The following RAPGEF4 variants were observed in gnomAD, a reference collection of about 807,000 sequenced individuals.
RAPGEF4 encodes the protein RAP guanine-nucleotide-exchange factor (GEF) 4.
RAPGEF4 carries 66 observed loss-of-function variants against 147.9 expected under a neutral mutation model. The ratio of observed to expected loss-of-function variants is 0.45; its 90% CI spans 0.37 to 0.55. RAPGEF4 has a LOEUF of 0.55. Ranked by LOEUF, RAPGEF4 falls within the 20% of genes least tolerant of loss-of-function variation. The probability of loss-of-function intolerance (pLI) is 0.00; values close to 1 mark genes in which losing one functional copy is unlikely to be tolerated. For synonymous variants in RAPGEF4, 419 were observed against 442.7 expected (o/e 0.95, Z 0.67); for missense variants, 1,071 against 1,257.3 (o/e 0.85, Z 2.24).
intron 20 of RAPGEF4, 70 bp downstream of exon 20, chr2:173,017,274 G>T (rs1215224163): frequency 6.5e-7 from 1 of 1,531,800 alleles, no homozygotes; most frequent in African/African-American, 1.4e-5. Context: ...ATATTATATT[G>T]CAGTATACAT....
chr2:172,933,237 G>A (rs958033253), intron 6 of RAPGEF4, among the ~76,000 whole-genome samples: 4 of 152,062 alleles, frequency 2.6e-5, no homozygotes, highest in African/African-American at 4.8e-5. Flanking sequence ...TAGAGATGAT[G>A]GTGGAGTTGC....
intron 16 of RAPGEF4, among the ~76,000 whole-genome samples, chr2:172,998,809 T>C (rs754214728): frequency 1.3e-5 from 2 of 152,188 alleles, no homozygotes; most frequent in African/African-American, 2.4e-5. Flanking sequence ...CCAGAATGTG[T>C]GATTGCATAA....
intron 29 of RAPGEF4, among the ~76,000 whole-genome samples, chr2:173,040,466 G>T (rs569845792): frequency 5.3e-4 from 81 of 152,292 alleles, no homozygotes; most frequent in African/African-American, 1.9e-3. Context: ...CCCAGGTGCT[G>T]AGCAGAGCTG....
At chr2:173,016,524 T>C (rs950986349) in intron 19 of RAPGEF4, 87 bp downstream of exon 19, 3 of 1,112,936 alleles carry the variant, frequency 2.7e-6, no homozygotes, top group Non-Finnish European at 4.1e-6. Flanking sequence ...AAAGCTGGTC[T>C]TTCCATAGCC....
chr2:172,997,966 T>A (rs1020626063), intron 16 of RAPGEF4, among the ~76,000 whole-genome samples: 3 of 152,232 alleles, frequency 2.0e-5, no homozygotes, highest in African/African-American at 7.2e-5. Flanking sequence ...ATAGTAGATA[T>A]AATCGTCAGG....
chr2:172,857,692 C>T (rs563521053), intron 4 of RAPGEF4, among the ~76,000 whole-genome samples: 123 of 151,822 alleles, frequency 8.1e-4, no homozygotes, highest in Non-Finnish European at 1.5e-3. Flanking sequence ...GACCAGCCTG[C>T]GAAACATGGC....
chr2:172,854,114 G>A (rs13419593), intron 4 of RAPGEF4, among the ~76,000 whole-genome samples: 1 of 151,976 alleles, frequency 6.6e-6, no homozygotes, highest in African/African-American at 2.4e-5. Flanking sequence ...GGTCAATGTA[G>A]TTGGTAGTGA....
At chr2:173,040,475 T>G (rs1323968737) in intron 29 of RAPGEF4, among the ~76,000 whole-genome samples, 1 of 152,206 alleles carries the variant, frequency 6.6e-6, no homozygotes, top group Non-Finnish European at 1.5e-5. Flanking sequence ...TGAGCAGAGC[T>G]GGCAGCCTCT....
chr2:172,894,808 T>G (rs999920319), intron 4 of RAPGEF4, among the ~76,000 whole-genome samples: 1 of 152,128 alleles, frequency 6.6e-6, no homozygotes, highest in Non-Finnish European at 1.5e-5. Flanking sequence ...TTATTCCAGT[T>G]TGTACTAACC....
intron 4 of RAPGEF4, among the ~76,000 whole-genome samples, chr2:172,854,828 G>C (rs917537448): frequency 6.6e-6 from 1 of 152,140 alleles, no homozygotes; most frequent in Non-Finnish European, 1.5e-5. Flanking sequence ...CTGTGAAAGG[G>C]GCAGAAGGAA....
Position 172,965,658 on chromosome 2 carries a change from G to T in RAPGEF4, c.795G>T (p.Leu265=), listed in dbSNP as rs765968939. The T allele has an allele frequency of 6.2e-7, 1 of 1,614,186 alleles. No homozygotes were observed. The highest frequency in any genetic ancestry group is 1.1e-5 in the South Asian group (1 of 91,084). ...AAGCTGTTGGCATGTGGCAAGTCCTGTTAGAAGATGGTGTTCTCAACCACG... is the reference window on the plus strand; with the variant it reads ...AAGCTGTTGGCATGTGGCAAGTCCTTTTAGAAGATGGTGTTCTCAACCACG... ...RTQAVGMWQV[L]LEDGVLNHVD... The change falls in exon 9 of 31, where the codon CTG becomes CTT. Residue 265 remains leucine, a synonymous_variant. Transcript: ENST00000397081.
intron 15 of RAPGEF4, among the ~76,000 whole-genome samples, chr2:172,995,245 T>TTGTG (rs71018528): frequency 0.01 from 1,401 of 138,638 alleles, 21 homozygotes; most frequent in African/African-American, 0.036. Flanking sequence ...ACTTGCCTGT[T>TTGTG]TGTGTGTGTG....
intron 29 of RAPGEF4, among the ~76,000 whole-genome samples, chr2:173,045,999 C>T (rs1252026091): frequency 6.6e-6 from 1 of 152,148 alleles, no homozygotes; most frequent in Non-Finnish European, 1.5e-5. Context: ...CTTCTTTGGC[C>T]TTGTGAAAGC....
intron 4 of RAPGEF4, among the ~76,000 whole-genome samples, chr2:172,830,314 G>C (rs964227731): frequency 6.6e-6 from 1 of 152,146 alleles, no homozygotes; most frequent in Non-Finnish European, 1.5e-5. Flanking sequence ...GAAATACTTT[G>C]CCGAAAGAGT....
intron 6 of RAPGEF4, among the ~76,000 whole-genome samples, chr2:172,950,185 A>G (rs1461725911): frequency 1.3e-5 from 2 of 152,156 alleles, no homozygotes; most frequent in African/African-American, 2.4e-5. Flanking sequence ...TTAAAGCCCA[A>G]GCTTGTGACC....
intron 3 of RAPGEF4, among the ~76,000 whole-genome samples, chr2:172,807,198 G>T (rs1222497711): frequency 6.6e-6 from 1 of 152,188 alleles, no homozygotes; most frequent in Non-Finnish European, 1.5e-5. Flanking sequence ...CCTGCATTTA[G>T]TTTTTTTGCC....
At position 173,046,030 on chromosome 2, in the gene RAPGEF4, C is replaced by T. The variant is rs114380122; in HGVS notation, c.2854-2570C>T. Among the ~76,000 whole-genome samples, 623 of 152,254 alleles carry T rather than the reference C, an allele frequency of 4.1e-3. 4 individuals carry two copies. Among genetic ancestry groups the T allele is most frequent in the African/African-American group, 0.014 (598 of 41,534 alleles). On this transcript the variant is annotated intron_variant, in intron 29 of 30. Coordinates refer to ENST00000397081, the MANE Select transcript of RAPGEF4 (RefSeq NM_007023.4). ...AAAGCATTTGTAACTATGCATTGAC[C>T]GGGAATGCTAGTTAGATTCACACAT...
chr2:172,811,547 G>T (rs1405923861), intron 3 of RAPGEF4, among the ~76,000 whole-genome samples: 1 of 152,186 alleles, frequency 6.6e-6, no homozygotes, highest in Non-Finnish European at 1.5e-5. Context: ...CTTTTGAATA[G>T]TCCCTATTAA....
chr2:172,999,430 C>T (rs1028548328), intron 16 of RAPGEF4, among the ~76,000 whole-genome samples: 1 of 152,128 alleles, frequency 6.6e-6, no homozygotes, highest in East Asian at 1.9e-4. Flanking sequence ...ATTTACAGTA[C>T]AGTAAGAAAG....
Sources: gnomAD v4.1 joint callset for allele counts (sites outside exome capture counted in the v4.1 genomes callset) on GRCh38, gnomAD v4.1.1 for gene constraint, MANE v1.5 for transcripts, NCBI Gene and HGNC (gene_info 2026-07-23, HGNC 2026-07-21) for gene names.